Variants in OPHN1 observed in about 807,000 individuals in gnomAD.
OPHN1 encodes the protein oligophrenin 1, also known as oligophrenin-1.
A neutral mutation model predicts 60.7 loss-of-function variants in OPHN1; 11 were observed. The ratio of observed to expected loss-of-function variants is 0.18; its 90% confidence interval spans 0.11 to 0.30. OPHN1 has a LOEUF of 0.30. Among genes scored for constraint, OPHN1 ranks in the 10% least tolerant of loss-of-function variants. The pLI is 1.00. For synonymous variants in OPHN1, 226 were observed against 222.6 expected (o/e 1.02, Z -0.14); for missense variants, 449 against 611.0 (o/e 0.73, Z 2.80).
At chrX:68,054,705 T>C (rs970197573) in intron 21 of OPHN1, among the ~76,000 whole-genome samples, 29 of 111,384 alleles carry the variant, frequency 2.6e-4, no homozygotes, top group African/African-American at 5.2e-4. Context: ...AACCAATACA[T>C]ATTATGTGTG....
chrX:68,356,924 G>A (rs113392938), intron 2 of OPHN1, among the ~76,000 whole-genome samples: 10,221 of 111,326 alleles, frequency 0.092, 485 homozygotes, highest in Middle Eastern at 0.21. Context: ...AAAATGTCCA[G>A]AATAGGCAAA....
chrX:68,215,452 G>A (rs1397472225), intron 6 of OPHN1, among the ~76,000 whole-genome samples: 1 of 111,149 alleles, frequency 9.0e-6, no homozygotes, highest in Non-Finnish European at 1.9e-5. Context: ...TAAAAGACAG[G>A]TATCAAACCC....
intron 6 of OPHN1, among the ~76,000 whole-genome samples, chrX:68,214,416 G>A (rs1294202138): frequency 8.9e-6 from 1 of 112,155 alleles, no homozygotes. Context: ...CAAGTCTCAA[G>A]TCTTATTTAA....
intron 2 of OPHN1, among the ~76,000 whole-genome samples, chrX:68,398,110 T>A (rs2078695251): frequency 9.0e-6 from 1 of 111,653 alleles, no homozygotes; most frequent in South Asian, 3.7e-4. Context: ...AGAAGCTGTC[T>A]TTGATCTTAT....
At chrX:68,337,359 C>A (rs1269616720) in intron 2 of OPHN1, among the ~76,000 whole-genome samples, 1 of 111,357 alleles carries the variant, frequency 9.0e-6, no homozygotes, top group Non-Finnish European at 1.9e-5. Flanking sequence ...ATAACAATAA[C>A]AGCACCGAAT....
intron 20 of OPHN1, among the ~76,000 whole-genome samples, chrX:68,072,747 G>A (rs1424302563): frequency 9.0e-6 from 1 of 111,551 alleles, no homozygotes; most frequent in Non-Finnish European, 1.9e-5. Flanking sequence ...CTTCTGTGAG[G>A]GCAAGCAATG....
At chrX:68,112,066 C>CACACAA in intron 17 of OPHN1, 107 bp from the exon 18 acceptor site, 1 of 311,555 alleles carries the variant, frequency 3.2e-6, no homozygotes, top group African/African-American at 3.8e-5. Context: ...CACATGCACA[C>CACACAA]ACACACACAC....
intron 2 of OPHN1, among the ~76,000 whole-genome samples, chrX:68,355,040 T>C (rs2078433466): frequency 8.9e-6 from 1 of 112,067 alleles, no homozygotes; most frequent in African/African-American, 3.2e-5. Flanking sequence ...CTGGAGACTC[T>C]GAGTGACTAG....
chrX:68,266,139 C>A (rs1354588131), intron 5 of OPHN1, among the ~76,000 whole-genome samples: 1 of 111,278 alleles, frequency 9.0e-6, no homozygotes, highest in Non-Finnish European at 1.9e-5. Context: ...CCCAATCTAG[C>A]AAGGCAGGCC....
At chrX:68,320,646 A>G (rs924547969) in intron 2 of OPHN1, among the ~76,000 whole-genome samples, 11 of 110,101 alleles carry the variant, frequency 1.0e-4, no homozygotes, top group South Asian at 4.0e-4. Flanking sequence ...TAAGCAATCA[A>G]TTTTGCAGTG....
chrX:68,299,895 C>T (rs1864533087), intron 2 of OPHN1, among the ~76,000 whole-genome samples: 1 of 109,998 alleles, frequency 9.1e-6, no homozygotes, highest in South Asian at 4.1e-4. Context: ...CAACTTTTGA[C>T]CCTTGTTGCA....
intron 3 of OPHN1, among the ~76,000 whole-genome samples, chrX:68,284,681 C>T (rs1256755784): frequency 9.0e-6 from 1 of 111,409 alleles, no homozygotes; most frequent in East Asian, 2.8e-4. Context: ...AAACCCAAAC[C>T]CCATTAGCAT....
chrX:68,164,251 T>C (rs2077348293), intron 15 of OPHN1, among the ~76,000 whole-genome samples: 1 of 112,194 alleles, frequency 8.9e-6, no homozygotes, highest in South Asian at 3.7e-4. Flanking sequence ...TGGTGAACCC[T>C]TTCCAGGTTT....
chrX:68,269,191 T>C (rs930162701), intron 5 of OPHN1, among the ~76,000 whole-genome samples: 1 of 111,531 alleles, frequency 9.0e-6, no homozygotes, highest in Non-Finnish European at 1.9e-5. Flanking sequence ...CAATGCCATC[T>C]CCATCAAGCT....
chrX:68,194,274 C>T, intron 13 of OPHN1, among the ~76,000 whole-genome samples, 191 bp downstream of exon 13: 1 of 112,487 alleles, frequency 8.9e-6, no homozygotes, highest in East Asian at 2.8e-4. Flanking sequence ...ACGATGTAAG[C>T]TAACACCAAG....
chrX:68,233,022 G>A (rs748462186), intron 6 of OPHN1, among the ~76,000 whole-genome samples: 24 of 107,336 alleles, frequency 2.2e-4, no homozygotes, highest in East Asian at 8.9e-4. Flanking sequence ...TCCGCCTCCC[G>A]GGTTCAAGCG....
Position 68,333,258 on chromosome X carries a change from T to TAAG in OPHN1, c.155-34163_155-34162insCTT, listed in dbSNP as rs201045546. On this transcript the variant is annotated intron_variant, in intron 2 of 24. Transcript: ENST00000355520. ...ATAGTGAGACCCCCATCTCTACAAA[T>TAAG]AATAATAATAATAATAATAATAGAA... Among the ~76,000 whole-genome samples, 630 of 107,130 alleles carry TAAG rather than the reference T, an allele frequency of 5.9e-3. 7 individuals are homozygous for TAAG. The highest frequency in any genetic ancestry group is 0.02 in the African/African-American group (599 of 29,435). 93.0% of individuals were successfully genotyped at this position (107,130 alleles called of 115,157 possible). A position where few individuals can be genotyped will look rare whatever the true frequency, so the allele number is the denominator to read the frequency against.
At chrX:68,154,868 C>CACAA (rs1425456748) in intron 15 of OPHN1, among the ~76,000 whole-genome samples, 3 of 105,253 alleles carry the variant, frequency 2.9e-5, no homozygotes, top group African/African-American at 1.1e-4. Context: ...ACACCACACA[C>CACAA]ACACACACAC....
intron 19 of OPHN1, among the ~76,000 whole-genome samples, chrX:68,079,224 T>C (rs945160664): frequency 1.1e-4 from 12 of 110,572 alleles, no homozygotes; most frequent in African/African-American, 3.9e-4. Context: ...CTCAAAAGCA[T>C]TTAAATGAAC....
Sources: allele counts gnomAD v4.1 joint callset (sites outside exome capture counted in the v4.1 genomes callset), GRCh38; gene constraint gnomAD v4.1.1; transcripts MANE v1.5; gene names NCBI Gene and HGNC (gene_info 2026-07-23, HGNC 2026-07-21).